RNF130: variants seen among roughly 807,000 people sequenced by gnomAD.
RNF130 encodes the protein ring finger protein 130.
A neutral mutation model predicts 44.6 loss-of-function variants in RNF130; 21 were observed. The observed-to-expected ratio is 0.47, with a 90% confidence interval of 0.33 to 0.68. The LOEUF (loss-of-function observed/expected upper bound fraction) is 0.68, where lower values mean the gene tolerates loss of function less well. RNF130 is among the 30% of genes least tolerant of loss of function. The pLI, the probability that RNF130 is intolerant of heterozygous loss-of-function variation, is 0.02. For missense variants in RNF130, 479 were observed against 560.6 expected (o/e 0.85, Z 1.47); for synonymous variants, 214 against 210.4 (o/e 1.02, Z -0.15).
intron 7 of RNF130, among the ~76,000 whole-genome samples, chr5:179,934,964 G>T (rs757027966): frequency 6.6e-6 from 1 of 151,774 alleles, no homozygotes; most frequent in South Asian, 2.1e-4. Flanking sequence ...CGAACTTTTC[G>T]CTAGGCTTTC....
At chr5:179,956,783 C>T (rs1762222481) in intron 8 of RNF130, among the ~76,000 whole-genome samples, 1 of 152,228 alleles carries the variant, frequency 6.6e-6, no homozygotes, top group African/African-American at 2.4e-5. Context: ...CCAGCCACAT[C>T]AGTACGCACA....
chr5:179,968,416 G>A (rs1453037646), intron 6 of RNF130, among the ~76,000 whole-genome samples: 1 of 151,540 alleles, frequency 6.6e-6, no homozygotes, highest in African/African-American at 2.4e-5. Context: ...CTGTAATCCC[G>A]GCACTGTGGG....
At position 180,071,640 on chromosome 5, in the gene RNF130, G is replaced by C. The variant is rs1204345235; in HGVS notation, c.63C>G (p.Ser21Arg). 3.3e-6 allele frequency: 5 copies of C among 1,494,226 alleles called. No individual in the cohort carries two copies. The highest frequency in any genetic ancestry group is 3.6e-6 in the Non-Finnish European group (4 of 1,121,282). The allele number at this position is 1,494,226 out of a possible 1,614,324, so 92.6% of individuals were successfully genotyped here. A position where few individuals can be genotyped will look rare whatever the true frequency, so the allele number is the denominator to read the frequency against. Residue 21 changes from serine (S) to arginine (R), a missense_variant, in exon 1 of 9, where the codon AGC (serine) becomes AGG (arginine). Transcript: ENST00000521389. ...CGTTGTCTGCCCGTGCCGGCCACAGGCTGCAGGTCAGCAGGGCGAGCGCGG... is the reference window on the plus strand; with the variant it reads ...CGTTGTCTGCCCGTGCCGGCCACAGCCTGCAGGTCAGCAGGGCGAGCGCGG... ...RLAALALLTC[S>R]LWPARADNAS...
intron 1 of RNF130, among the ~76,000 whole-genome samples, chr5:180,059,583 T>C (rs1582229730): frequency 6.6e-6 from 1 of 152,150 alleles, no homozygotes; most frequent in Non-Finnish European, 1.5e-5. Flanking sequence ...GCTGATAACA[T>C]GCAAATGAGA....
intron 5 of RNF130, among the ~76,000 whole-genome samples, chr5:179,976,313 C>T (rs1430400896): frequency 3.3e-5 from 5 of 152,128 alleles, no homozygotes; most frequent in African/African-American, 4.8e-5. Flanking sequence ...AGTAATATAC[C>T]CATGAATGGT....
rs1230132623 is a variant in RNF130 at position 179,963,474 on chromosome 5, T to A, written c.1241A>T (p.Asn414Ile). Reference protein sequence around the residue: ...IIRATASLNANEVEWF With the variant: ...IIRATASLNAIEVEWF ...CCAAAAACAATTTGTTACTTACTCA[T>A]TAGCATTCAAGCTAGCTGTGGCTCT... The change falls in exon 8 of 9, where the codon AAT becomes ATT. Residue 414 changes from asparagine (N) to isoleucine (I), a missense_variant. By Grantham distance (149) the Asn-to-Ile change is moderately radical. Transcript: ENST00000521389. 2 of 1,612,994 alleles carry A rather than the reference T, an allele frequency of 1.2e-6. No homozygotes were observed.
At chr5:179,961,111 TA>T (rs113457529) in intron 8 of RNF130, among the ~76,000 whole-genome samples, 1,665 of 144,770 alleles carry the variant, frequency 0.012, 19 homozygotes, top group Non-Finnish European at 0.017. Context: ...TGCTTACTGT[TA>T]AAAAAAAAAA....
chr5:180,024,383 T>A (rs1321637822), intron 2 of RNF130, among the ~76,000 whole-genome samples: 5 of 152,180 alleles, frequency 3.3e-5, no homozygotes, highest in African/African-American at 1.2e-4. Flanking sequence ...GGGTGCAGGG[T>A]TTGCAGACAT....
At chr5:179,927,168 T>C (rs1179988064) in intron 7 of RNF130, among the ~76,000 whole-genome samples, 4 of 152,182 alleles carry the variant, frequency 2.6e-5, no homozygotes, top group East Asian at 3.8e-4. Context: ...GTAATCTACA[T>C]TGCTAACCAG....
At chr5:180,049,205 C>T (rs1764636046) in intron 1 of RNF130, among the ~76,000 whole-genome samples, 1 of 152,194 alleles carries the variant, frequency 6.6e-6, no homozygotes, top group Non-Finnish European at 1.5e-5. Context: ...CGCTTTGACA[C>T]AGGGAGACAG....
intron 1 of RNF130, among the ~76,000 whole-genome samples, chr5:180,050,280 G>A (rs886519207): frequency 5.9e-5 from 9 of 152,202 alleles, no homozygotes; most frequent in African/African-American, 2.2e-4. Context: ...GGAGTTCCAG[G>A]CCAAAGACCA....
intron 7 of RNF130, among the ~76,000 whole-genome samples, chr5:179,941,787 CACA>C (rs1424748752): frequency 6.6e-6 from 1 of 151,998 alleles, no homozygotes; most frequent in Non-Finnish European, 1.5e-5. Context: ...ATGGTTGCAC[CACA>C]ACAAGCTAGT....
chr5:179,991,010 G>A (rs1302954214), intron 3 of RNF130, among the ~76,000 whole-genome samples: 3 of 152,182 alleles, frequency 2.0e-5, no homozygotes, highest in Non-Finnish European at 2.9e-5. Flanking sequence ...TGGGTGGCTT[G>A]TTGCCCACAT....
chr5:180,015,043 C>A (rs1246053200), intron 2 of RNF130, among the ~76,000 whole-genome samples: 5 of 152,150 alleles, frequency 3.3e-5, no homozygotes, highest in African/African-American at 4.8e-5. Context: ...CCCAATGGAA[C>A]ATATACCTTT....
At chr5:179,929,296 C>CT (rs755423606) in intron 7 of RNF130, among the ~76,000 whole-genome samples, 9 of 152,308 alleles carry the variant, frequency 5.9e-5, no homozygotes, top group East Asian at 1.9e-4. Flanking sequence ...TTTCAGAACT[C>CT]TATTTTGTTC....
At chr5:180,003,119 G>A (rs1561688122) in intron 3 of RNF130, among the ~76,000 whole-genome samples, 1 of 152,112 alleles carries the variant, frequency 6.6e-6, no homozygotes, top group Non-Finnish European at 1.5e-5. Flanking sequence ...AGAAGGGCCT[G>A]AATTAGGCAA....
chr5:180,014,135 T>C (rs778845836), intron 2 of RNF130, among the ~76,000 whole-genome samples: 1 of 152,240 alleles, frequency 6.6e-6, no homozygotes, highest in Non-Finnish European at 1.5e-5. Context: ...AAGCACAGGC[T>C]ATGCAAGTTA....
intron 7 of RNF130, among the ~76,000 whole-genome samples, chr5:179,937,017 C>T (rs564582784): frequency 1.6e-4 from 25 of 152,218 alleles, no homozygotes; most frequent in Admixed American, 9.2e-4. Context: ...GAAGTTTTTG[C>T]GACCACCAAT....
chr5:179,979,551 G>T (rs1353722621), intron 4 of RNF130, among the ~76,000 whole-genome samples: 1 of 151,984 alleles, frequency 6.6e-6, no homozygotes, highest in African/African-American at 2.4e-5. Context: ...TGAATGTAGG[G>T]GCAGCACTAA....
Sources: allele counts gnomAD v4.1 joint callset (sites outside exome capture counted in the v4.1 genomes callset), GRCh38; gene constraint gnomAD v4.1.1; transcripts MANE v1.5; gene names NCBI Gene and HGNC (gene_info 2026-07-23, HGNC 2026-07-21).